The following GABRG3 variants were observed in gnomAD, a reference collection of about 807,000 sequenced individuals.
GABRG3 encodes the protein gamma-aminobutyric acid receptor subunit gamma-3.
A neutral mutation model predicts 48.8 loss-of-function variants in GABRG3; 25 were observed. That is an observed-to-expected ratio of 0.51 (90% confidence interval 0.37 to 0.72). The LOEUF is 0.72. Among genes scored for constraint, GABRG3 ranks in the 30% least tolerant of loss-of-function variants. The pLI, the probability that GABRG3 is intolerant of heterozygous loss-of-function variation, is 0.00. For synonymous variants in GABRG3, 227 were observed against 217.6 expected (o/e 1.04, Z -0.38); for missense variants, 394 against 577.9 (o/e 0.68, Z 3.26).
chr15:27,339,810 C>T (rs74789336), intron 5 of GABRG3, among the ~76,000 whole-genome samples: 266 of 152,266 alleles, frequency 1.7e-3, no homozygotes, highest in Admixed American at 4.0e-3. Context: ...TGATAAGAGA[C>T]GCCAGCTTCT....
rs200705942 is a variant in GABRG3, at chr15:27,054,622, C to T, written c.270+27801C>T. Reference sequence around the variant, plus strand: ...TTGTGGTGCCGCCCTGACTCCCATACAGAAAACTGGCCAGGACAACGCAGA... The same window carrying T: ...TTGTGGTGCCGCCCTGACTCCCATATAGAAAACTGGCCAGGACAACGCAGA... On this transcript the variant is annotated intron_variant, in intron 3 of 9. Coordinates refer to ENST00000615808, the MANE Select transcript of GABRG3 (RefSeq NM_033223.5). Among the ~76,000 whole-genome samples the T allele has an allele frequency of 3.3e-5, 5 of 152,284 alleles. No homozygotes were observed. The East Asian group carries it at 9.6e-4, about 29-fold the overall frequency.
At chr15:27,213,018 A>T (rs1238110503) in intron 3 of GABRG3, among the ~76,000 whole-genome samples, 1 of 152,128 alleles carries the variant, frequency 6.6e-6, no homozygotes, top group Non-Finnish European at 1.5e-5. Flanking sequence ...TCATACTTTA[A>T]CAATTCCTCT....
chr15:27,387,578 A>T (rs1334482250), intron 5 of GABRG3, among the ~76,000 whole-genome samples: 1 of 151,772 alleles, frequency 6.6e-6, no homozygotes, highest in African/African-American at 2.4e-5. Flanking sequence ...CCAGGACTTG[A>T]TACACATGTG....
chr15:27,203,960 C>CA (rs1954695614), intron 3 of GABRG3, among the ~76,000 whole-genome samples: 1 of 151,874 alleles, frequency 6.6e-6, no homozygotes, highest in South Asian at 2.1e-4. Flanking sequence ...AGGCCTTTGT[C>CA]AGGTGTATAG....
chr15:27,354,178 G>A (rs1252362598), intron 5 of GABRG3, among the ~76,000 whole-genome samples: 3 of 152,186 alleles, frequency 2.0e-5, no homozygotes, highest in Non-Finnish European at 4.4e-5. Context: ...CTAGAAGGAT[G>A]AAGTTTATCA....
intron 3 of GABRG3, among the ~76,000 whole-genome samples, chr15:27,092,085 G>T (rs749413293): frequency 2.0e-5 from 3 of 152,114 alleles, no homozygotes; most frequent in Non-Finnish European, 4.4e-5. Context: ...TGAAGCAACA[G>T]TTCTTTTACT....
chr15:27,260,096 C>T (rs2140465840), intron 3 of GABRG3, among the ~76,000 whole-genome samples: 1 of 152,244 alleles, frequency 6.6e-6, no homozygotes, highest in South Asian at 2.1e-4. Flanking sequence ...TCCTAGTCTG[C>T]CCGGGCTGCT....
chr15:27,052,028 C>T (rs192235161), intron 3 of GABRG3, among the ~76,000 whole-genome samples: 39 of 152,284 alleles, frequency 2.6e-4, no homozygotes, highest in African/African-American at 8.7e-4. Context: ...TGATGGGCAG[C>T]GGCTGTAAAT....
chr15:27,227,325 C>T (rs867377211), intron 3 of GABRG3, among the ~76,000 whole-genome samples: 8 of 152,072 alleles, frequency 5.3e-5, no homozygotes, highest in African/African-American at 1.9e-4. Context: ...ACCCTGTCTC[C>T]TCCAAAAACA....
intron 3 of GABRG3, among the ~76,000 whole-genome samples, chr15:27,137,400 G>A (rs925686071): frequency 5.9e-5 from 9 of 152,186 alleles, no homozygotes; most frequent in African/African-American, 1.2e-4. Flanking sequence ...GAGGAAACTC[G>A]TGATAGAATT....
At chr15:27,255,120 G>A (rs1312007705) in intron 3 of GABRG3, among the ~76,000 whole-genome samples, 2 of 152,190 alleles carry the variant, frequency 1.3e-5, no homozygotes, top group African/African-American at 4.8e-5. Flanking sequence ...GCCTGACAGC[G>A]GCTGCCTCCT....
At chr15:27,351,960 G>C (rs960892231) in intron 5 of GABRG3, among the ~76,000 whole-genome samples, 1 of 148,974 alleles carries the variant, frequency 6.7e-6, no homozygotes, top group South Asian at 2.1e-4. Context: ...TGTGTGTATG[G>C]TGTATGTCTG....
At chr15:27,146,241 T>G (rs561643432) in intron 3 of GABRG3, among the ~76,000 whole-genome samples, 1 of 152,194 alleles carries the variant, frequency 6.6e-6, no homozygotes, top group African/African-American at 2.4e-5. Context: ...GATCATCAGG[T>G]TAGGAGATTG....
At chr15:27,337,298 T>A (rs894311205) in intron 5 of GABRG3, among the ~76,000 whole-genome samples, 3 of 152,172 alleles carry the variant, frequency 2.0e-5, no homozygotes, top group Admixed American at 6.5e-5. Context: ...AATTTTAGAT[T>A]TTCTAGGAGT....
chr15:27,144,026 TA>T lies in GABRG3; in HGVS notation c.270+117207del, dbSNP rs1741523465. On this transcript the variant is annotated intron_variant, in intron 3 of 9. Transcript: ENST00000615808. ...GCCATTAACAAGCCTTATGAAATAT[TA>T]AGAACCCTAACAGTTGGTAAGAAGA... Among the ~76,000 whole-genome samples the T allele has an allele frequency of 2.0e-5, 3 of 152,174 alleles. No individual in the cohort carries two copies. The South Asian group carries it at 6.2e-4, about 31-fold the overall frequency.
At chr15:27,234,254 G>T (rs1208761015) in intron 3 of GABRG3, among the ~76,000 whole-genome samples, 1 of 152,174 alleles carries the variant, frequency 6.6e-6, no homozygotes, top group African/African-American at 2.4e-5. Context: ...ACAGAAGCCA[G>T]TGCTGCAGAC....
chr15:27,318,945 C>T (rs886646527), intron 3 of GABRG3, among the ~76,000 whole-genome samples: 8 of 152,216 alleles, frequency 5.3e-5, no homozygotes, highest in Middle Eastern at 3.4e-3. Context: ...AGTTAAGTTC[C>T]GCAGGCCTAA....
intron 3 of GABRG3, among the ~76,000 whole-genome samples, chr15:27,073,287 T>A (rs1864797): frequency 0.21 from 31,419 of 152,220 alleles, 3,399 homozygotes; most frequent in Middle Eastern, 0.27. Flanking sequence ...AGGGGACCCC[T>A]GGTGCTGGCT....
Position 27,067,515 on chromosome 15 carries a change from G to A in GABRG3, c.270+40694G>A, listed in dbSNP as rs191563427. On this transcript the variant is annotated intron_variant, in intron 3 of 9. Coordinates refer to ENST00000615808, the MANE Select transcript of GABRG3 (RefSeq NM_033223.5). ...GGCCGACAACCGGGTCACACCCAGG[G>A]CCTTTGCTGCAGATGGGGTGATTCT... Among the ~76,000 whole-genome samples the A allele has an allele frequency of 1.6e-4, 25 of 152,324 alleles. No individual in the cohort carries two copies. In the East Asian group the frequency reaches 4.3e-3, roughly 26 times the overall value.
Sources: gnomAD v4.1 joint callset for allele counts (sites outside exome capture counted in the v4.1 genomes callset) on GRCh38, gnomAD v4.1.1 for gene constraint, MANE v1.5 for transcripts, NCBI Gene and HGNC (gene_info 2026-07-23, HGNC 2026-07-21) for gene names.